KIAA1549L: variants seen among roughly 807,000 people sequenced by gnomAD.
KIAA1549L encodes KIAA1549 like, also known as UPF0606 protein KIAA1549L.
KIAA1549L carries 88 observed loss-of-function variants against 160.7 expected under a neutral mutation model. That is an observed-to-expected ratio of 0.55 (90% CI 0.46 to 0.65). The LOEUF is 0.65. KIAA1549L is among the 30% of genes least tolerant of loss of function. The pLI is 0.00. For synonymous variants in KIAA1549L, 950 were observed against 976.7 expected (o/e 0.97, Z 0.51); for missense variants, 2,258 against 2,437.5 (o/e 0.93, Z 1.55).
At chr11:33,444,027 G>C (rs1851561067) in intron 1 of KIAA1549L, among the ~76,000 whole-genome samples, 1 of 152,128 alleles carries the variant, frequency 6.6e-6, no homozygotes, top group South Asian at 2.1e-4. Context: ...TACCCATAGG[G>C]TTTCCAGTAA....
At chr11:33,401,870 A>C (rs1014150690) in intron 1 of KIAA1549L, among the ~76,000 whole-genome samples, 2 of 152,204 alleles carry the variant, frequency 1.3e-5, no homozygotes, top group Non-Finnish European at 2.9e-5. Context: ...ACTTCATGCC[A>C]CAAGCCAAAG....
At chr11:33,528,480 C>A (rs1356528892) in intron 1 of KIAA1549L, among the ~76,000 whole-genome samples, 8 of 152,196 alleles carry the variant, frequency 5.3e-5, no homozygotes, top group Non-Finnish European at 1.2e-4. Context: ...TACTGGGTAT[C>A]TACTCAGAGG....
At chr11:33,407,179 G>A (rs1850680353) in intron 1 of KIAA1549L, among the ~76,000 whole-genome samples, 1 of 141,078 alleles carries the variant, frequency 7.1e-6, no homozygotes, top group Non-Finnish European at 1.5e-5. Context: ...CCGCCTCCCG[G>A]GTTCACGCCA....
intron 1 of KIAA1549L, among the ~76,000 whole-genome samples, chr11:33,402,282 C>A (rs1850518233): frequency 6.6e-6 from 1 of 152,186 alleles, no homozygotes. Flanking sequence ...ACCACAGAGT[C>A]ATCCTAGACT....
chr11:33,422,792 G>GA (rs908491435), intron 1 of KIAA1549L, among the ~76,000 whole-genome samples: 3 of 150,918 alleles, frequency 2.0e-5, no homozygotes, highest in Non-Finnish European at 4.4e-5. Context: ...CCATGAAAAA[G>GA]AAAAAAAAGG....
intron 16 of KIAA1549L, among the ~76,000 whole-genome samples, chr11:33,634,081 C>T (rs1414964843): frequency 1.3e-5 from 2 of 152,048 alleles, no homozygotes; most frequent in African/African-American, 4.8e-5. Context: ...CTCATTCTGT[C>T]GCCCAGGCTG....
chr11:33,433,875 G>C (rs1435327604), intron 1 of KIAA1549L, among the ~76,000 whole-genome samples: 1 of 152,090 alleles, frequency 6.6e-6, no homozygotes, highest in African/African-American at 2.4e-5. Context: ...ACTCATAAGT[G>C]GGAGTTGAAC....
intron 19 of KIAA1549L, among the ~76,000 whole-genome samples, chr11:33,660,581 G>GA (rs2133445447): frequency 6.6e-6 from 1 of 150,948 alleles, no homozygotes; most frequent in South Asian, 2.1e-4. Context: ...AAAAAAGAAA[G>GA]AAGACCAGGT....
chr11:33,449,883 G>A (rs1590253716), intron 1 of KIAA1549L, among the ~76,000 whole-genome samples: 1 of 152,172 alleles, frequency 6.6e-6, no homozygotes, highest in Non-Finnish European at 1.5e-5. Context: ...CCAGCTCACC[G>A]ATTTTTAACT....
chr11:33,651,930 C>T (rs1220459002), intron 17 of KIAA1549L, among the ~76,000 whole-genome samples: 9 of 117,666 alleles, frequency 7.6e-5, no homozygotes, highest in African/African-American at 3.1e-4. Context: ...TCCCTCCCTC[C>T]CTTCCTTCCT....
chr11:33,670,511 T>G lies in KIAA1549L; in HGVS notation c.*2357T>G, dbSNP rs192146676. On this transcript the variant is annotated 3_prime_UTR_variant, in exon 21 of 21. Transcript: ENST00000658780. ...AGATACTGTCTTAAACTAGACACCA[T>G]GGGTTCAAGAATAGTATTAATAGAT... 1.0e-3 allele frequency: 159 copies of G among 152,314 alleles called. 1 individual carries two copies. Among genetic ancestry groups the G allele is most frequent in the African/African-American group, 3.7e-3 (154 of 41,560 alleles). 9.4% of individuals were successfully genotyped at this position (152,314 alleles called of 1,614,324 possible).
At chr11:33,554,697 G>A (rs1032626809) in intron 6 of KIAA1549L, among the ~76,000 whole-genome samples, 2 of 152,194 alleles carry the variant, frequency 1.3e-5, no homozygotes, top group African/African-American at 4.8e-5. Flanking sequence ...GGGCCAAGGA[G>A]GTTAAATGTC....
intron 1 of KIAA1549L, among the ~76,000 whole-genome samples, chr11:33,496,571 T>G (rs1852825316): frequency 6.6e-6 from 1 of 152,184 alleles, no homozygotes; most frequent in Non-Finnish European, 1.5e-5. Context: ...GCATTTCCAC[T>G]ACCACTCTTC....
At chr11:33,471,986 G>A (rs1852187520) in intron 1 of KIAA1549L, among the ~76,000 whole-genome samples, 1 of 152,216 alleles carries the variant, frequency 6.6e-6, no homozygotes, top group African/African-American at 2.4e-5. Context: ...CGGAGATGCA[G>A]ACTCCTTTTA....
At chr11:33,458,042 G>A (rs1851866722) in intron 1 of KIAA1549L, among the ~76,000 whole-genome samples, 1 of 152,212 alleles carries the variant, frequency 6.6e-6, no homozygotes, top group Admixed American at 6.5e-5. Flanking sequence ...TATGATGCCA[G>A]TGTGCACGCT....
chr11:33,599,751 C>G (rs1160950475), intron 13 of KIAA1549L, among the ~76,000 whole-genome samples: 2 of 152,178 alleles, frequency 1.3e-5, no homozygotes, highest in East Asian at 3.9e-4. Context: ...TGTGGCCCTT[C>G]CGTGTGTGAT....
At chr11:33,590,556 C>T (rs1850022799) in intron 11 of KIAA1549L, among the ~76,000 whole-genome samples, 1 of 152,180 alleles carries the variant, frequency 6.6e-6, no homozygotes, top group Non-Finnish European at 1.5e-5. Flanking sequence ...TTGCCAGTTT[C>T]CCAGGAATGC....
intron 17 of KIAA1549L, among the ~76,000 whole-genome samples, chr11:33,654,278 A>C (rs1287066692): frequency 1.3e-5 from 2 of 152,172 alleles, no homozygotes. Flanking sequence ...AGCCTGGTCA[A>C]CTATTTCTTA....
At chr11:33,580,571 C>CAAA (rs368467299) in intron 10 of KIAA1549L, among the ~76,000 whole-genome samples, 1 of 52,514 alleles carries the variant, frequency 1.9e-5, no homozygotes, top group African/African-American at 5.6e-5. Flanking sequence ...GATTCTGCCT[C>CAAA]AAAAAAAAAA....
Sources: gnomAD v4.1 joint callset for allele counts (sites outside exome capture counted in the v4.1 genomes callset) on GRCh38, gnomAD v4.1.1 for gene constraint, MANE v1.5 for transcripts, NCBI Gene and HGNC (gene_info 2026-07-23, HGNC 2026-07-21) for gene names.